The following MAP4 variants were observed in gnomAD, a reference collection of about 807,000 sequenced individuals.
MAP4 encodes the protein microtubule associated protein 4.
MAP4 carries 76 observed loss-of-function variants against 170.2 expected under a neutral mutation model. That is an observed-to-expected ratio of 0.45 (90% CI 0.37 to 0.54). MAP4 has a LOEUF of 0.54. Ranked by LOEUF, MAP4 falls within the 20% of genes least tolerant of loss-of-function variation. The pLI, the probability that MAP4 is intolerant of heterozygous loss-of-function variation, is 0.00. For synonymous variants in MAP4, 909 were observed against 994.5 expected (o/e 0.91, Z 1.62); for missense variants, 2,506 against 2,748.0 (o/e 0.91, Z 1.97).
intron 17 of MAP4, 63 bp from the exon 18 acceptor site, chr3:47,857,575 G>GTTT: frequency 9.0e-7 from 1 of 1,106,806 alleles, no homozygotes; most frequent in Non-Finnish European, 1.4e-6. Flanking sequence ...CCAACCCCAT[G>GTTT]CTACCTTTTA....
At chr3:47,891,610 T>C in intron 10 of MAP4, 3 of 1,536,036 alleles carry the variant, frequency 2.0e-6, no homozygotes, top group African/African-American at 1.4e-5. Context: ...GCACTGCCTT[T>C]TTCTGCTGGG....
intron 2 of MAP4, among the ~76,000 whole-genome samples, chr3:47,993,185 G>A (rs1281117818): frequency 6.6e-6 from 1 of 152,082 alleles, no homozygotes; most frequent in Non-Finnish European, 1.5e-5. Flanking sequence ...TCAGCCAGAT[G>A]CAGTGGTCCG....
chr3:47,866,891 C>T (rs894646564), intron 17 of MAP4, among the ~76,000 whole-genome samples: 2 of 152,188 alleles, frequency 1.3e-5, no homozygotes, highest in Admixed American at 6.5e-5. Flanking sequence ...AATTCAAGGG[C>T]ATGCAGACCG....
At chr3:47,940,393 T>C (rs1055466463) in intron 3 of MAP4, among the ~76,000 whole-genome samples, 3 of 152,240 alleles carry the variant, frequency 2.0e-5, no homozygotes, top group Non-Finnish European at 4.4e-5. Context: ...GAATAAATTT[T>C]TTAGCATACT....
intron 1 of MAP4, among the ~76,000 whole-genome samples, chr3:48,042,326 C>A (rs1255003343): frequency 1.3e-5 from 2 of 152,100 alleles, no homozygotes; most frequent in African/African-American, 4.8e-5. Context: ...GGGAGAAATC[C>A]CCACACATCT....
chr3:47,875,668 G>C lies in MAP4; in HGVS notation c.5757+17C>G. 6.2e-7 allele frequency: 1 copy of C among 1,606,620 alleles called. No homozygotes were observed. The highest frequency in any genetic ancestry group is 1.1e-5 in the South Asian group (1 of 90,276). On this transcript the variant is annotated intron_variant, in intron 12 of 20. Coordinates refer to ENST00000683076, the MANE Select transcript of MAP4 (RefSeq NM_001385682.1). ...GGGAACAATTTTCCTCGGCACAGTA[G>C]TTAGGTGACCACTTACCTTTGGCTT...
chr3:48,048,002 G>T (rs930176147), intron 1 of MAP4, among the ~76,000 whole-genome samples: 5 of 152,180 alleles, frequency 3.3e-5, no homozygotes, highest in African/African-American at 1.2e-4. Flanking sequence ...TACTTGGAAG[G>T]CTGAGACAGA....
chr3:48,059,375 C>A (rs2100133921), intron 1 of MAP4, among the ~76,000 whole-genome samples: 1 of 151,082 alleles, frequency 6.6e-6, no homozygotes, highest in Admixed American at 6.6e-5. Context: ...ATTAGCCAGG[C>A]ATGGTGGCGT....
intron 9 of MAP4, among the ~76,000 whole-genome samples, chr3:47,905,548 A>C (rs76886896): frequency 0.052 from 7,820 of 151,530 alleles, 361 homozygotes; most frequent in African/African-American, 0.12. Flanking sequence ...ACAACAACAA[A>C]AAAAAAAAAC....
rs535166328 is a variant in MAP4, at chr3:48,061,124, C to T, written c.-20+27649G>A. Among the ~76,000 whole-genome samples, 71 of 151,970 alleles carry T rather than the reference C, an allele frequency of 4.7e-4. 2 individuals carry two copies. Among genetic ancestry groups the T allele is most frequent in the Admixed American group, 3.9e-3 (60 of 15,250 alleles). ...CCTTCCAAAGTGCTGGGATTACAGGCGTGAGCCACCGCGCCTGGACCCAAA... is the reference window on the plus strand; with the variant it reads ...CCTTCCAAAGTGCTGGGATTACAGGTGTGAGCCACCGCGCCTGGACCCAAA... On this transcript the variant is annotated intron_variant, in intron 1 of 18. Transcript: ENST00000360240.
At chr3:48,049,493 A>G (rs1474308116) in intron 1 of MAP4, among the ~76,000 whole-genome samples, 1 of 151,936 alleles carries the variant, frequency 6.6e-6, no homozygotes, top group Non-Finnish European at 1.5e-5. Flanking sequence ...GATAGTGCAT[A>G]CCTATAGACC....
At chr3:47,953,162 C>A (rs1412841269) in intron 3 of MAP4, among the ~76,000 whole-genome samples, 1 of 151,952 alleles carries the variant, frequency 6.6e-6, no homozygotes, top group Non-Finnish European at 1.5e-5. Context: ...TTTGTCAAAT[C>A]TTAGGGTGAA....
intron 1 of MAP4, among the ~76,000 whole-genome samples, chr3:48,051,966 T>C (rs2100128141): frequency 6.6e-6 from 1 of 152,240 alleles, no homozygotes; most frequent in Non-Finnish European, 1.5e-5. Context: ...CCTTCACTAC[T>C]GAAATTTTGG....
At chr3:47,962,993 C>A (rs1279314660) in intron 3 of MAP4, among the ~76,000 whole-genome samples, 2 of 152,212 alleles carry the variant, frequency 1.3e-5, no homozygotes, top group South Asian at 2.1e-4. Context: ...TGAAAACCCA[C>A]TGGAGGGCCA....
At chr3:48,047,455 T>A (rs1283643613) in intron 1 of MAP4, among the ~76,000 whole-genome samples, 1 of 151,802 alleles carries the variant, frequency 6.6e-6, no homozygotes, top group Non-Finnish European at 1.5e-5. Flanking sequence ...AGAGTCTTCG[T>A]TTAGGGGTGG....
chr3:47,940,043 G>C (rs2100055312), intron 3 of MAP4, among the ~76,000 whole-genome samples: 1 of 151,986 alleles, frequency 6.6e-6, no homozygotes, highest in Admixed American at 6.6e-5. Flanking sequence ...TCACCATGTT[G>C]GTCAGGCTGG....
intron 1 of MAP4, among the ~76,000 whole-genome samples, chr3:48,073,302 C>T: frequency 8.8e-6 from 1 of 113,608 alleles, no homozygotes; most frequent in East Asian, 2.8e-4. Flanking sequence ...CACACACACA[C>T]ACAAATTAGC....
intron 1 of MAP4, among the ~76,000 whole-genome samples, chr3:48,052,702 A>T (rs2100128568): frequency 6.6e-6 from 1 of 152,300 alleles, no homozygotes; most frequent in African/African-American, 2.4e-5. Context: ...CATAAATTAG[A>T]ATCAAAAGCA....
intron 2 of MAP4, among the ~76,000 whole-genome samples, chr3:47,995,067 C>T (rs1033066014): frequency 1.3e-5 from 2 of 151,876 alleles, no homozygotes; most frequent in Admixed American, 6.6e-5. Flanking sequence ...TTTGTTTTAC[C>T]GTACATCCCT....
Sources: allele counts gnomAD v4.1 joint callset (sites outside exome capture counted in the v4.1 genomes callset), GRCh38; gene constraint gnomAD v4.1.1; transcripts MANE v1.5; gene names NCBI Gene and HGNC (gene_info 2026-07-23, HGNC 2026-07-21).